Variants in MAGEC3 observed in about 807,000 individuals in gnomAD.
The protein encoded by MAGEC3 is melanoma-associated antigen C3.
Under a neutral mutation model 35.3 loss-of-function variants are expected in MAGEC3, and 34 were observed. The observed-to-expected ratio is 0.96, with a 90% CI of 0.73 to 1.28. The LOEUF is 1.28. MAGEC3 is among the 50% of genes most tolerant of loss of function. MAGEC3 has a pLI of 0.00. For synonymous variants in MAGEC3, 202 were observed against 185.6 expected, an observed-to-expected ratio of 1.09 and a Z score of -0.72; for missense variants, 561 against 483.6, an observed-to-expected ratio of 1.16 and a Z score of -1.50.
At chrX:141,884,024 A>G (rs1380877490) in intron 4 of MAGEC3, among the ~76,000 whole-genome samples, 1 of 113,239 alleles carries the variant, frequency 8.8e-6, no homozygotes, top group African/African-American at 3.2e-5. Context: ...ATGGTAGGAT[A>G]TTTACCGTAT....
At chrX:141,849,537 A>G (rs757807784) in intron 1 of MAGEC3, among the ~76,000 whole-genome samples, 7 of 111,296 alleles carry the variant, frequency 6.3e-5, no homozygotes, top group African/African-American at 2.3e-4. Context: ...AGAATCTATA[A>G]GGAACTTAAT....
intron 1 of MAGEC3, among the ~76,000 whole-genome samples, chrX:141,850,108 G>A (rs2017741587): frequency 9.0e-6 from 1 of 111,205 alleles, no homozygotes; most frequent in Non-Finnish European, 1.9e-5. Context: ...TATGCTAAGC[G>A]AGTTAATGTA....
intron 2 of MAGEC3, among the ~76,000 whole-genome samples, chrX:141,868,072 G>A (rs1266965955): frequency 1.8e-5 from 2 of 110,448 alleles, no homozygotes; most frequent in Admixed American, 1.9e-4. Context: ...GCAGTGAGCC[G>A]AGATGGCGCC....
intron 1 of MAGEC3, among the ~76,000 whole-genome samples, chrX:141,851,424 T>C (rs1276987770): frequency 9.0e-6 from 1 of 110,694 alleles, no homozygotes; most frequent in African/African-American, 3.3e-5. Context: ...AATGCCAAGA[T>C]TGAAATACAA....
intron 1 of MAGEC3, among the ~76,000 whole-genome samples, chrX:141,864,412 AG>A (rs1282657459): frequency 1.6e-5 from 1 of 62,451 alleles, no homozygotes; most frequent in African/African-American, 4.7e-5. Context: ...TATTTCACAC[AG>A]TAATGGTATT....
At chrX:141,856,713 A>G (rs1389712588) in intron 1 of MAGEC3, among the ~76,000 whole-genome samples, 2 of 111,998 alleles carry the variant, frequency 1.8e-5, no homozygotes, top group East Asian at 5.7e-4. Context: ...ATAATGTTAT[A>G]CTATTCAGCC....
intron 3 of MAGEC3, among the ~76,000 whole-genome samples, 164 bp downstream of exon 3, chrX:141,879,595 G>T (rs779739820): frequency 9.1e-6 from 1 of 110,293 alleles, no homozygotes; most frequent in South Asian, 4.1e-4. Context: ...CCGGGAGGTG[G>T]TCAGGAAAGT....
chrX:141,876,280 G>C (rs756720440), intron 2 of MAGEC3, among the ~76,000 whole-genome samples: 41 of 111,364 alleles, frequency 3.7e-4, no homozygotes, highest in African/African-American at 1.3e-3. Flanking sequence ...TATATTTCTT[G>C]GACCCCCAGA....
chrX:141,872,691 G>T (rs774380008), intron 2 of MAGEC3, among the ~76,000 whole-genome samples: 1 of 111,388 alleles, frequency 9.0e-6, no homozygotes, highest in African/African-American at 3.3e-5. Context: ...GAGAGAGAGA[G>T]AGAGAAAGAC....
intron 2 of MAGEC3, among the ~76,000 whole-genome samples, chrX:141,878,863 C>T (rs1461776103): frequency 9.0e-6 from 1 of 111,579 alleles, no homozygotes; most frequent in Non-Finnish European, 1.9e-5. Flanking sequence ...GGGAAGGGCT[C>T]CCAGGCCATG....
At chrX:141,839,232 A>C in intron 1 of MAGEC3, 1 of 198,145 alleles carries the variant, frequency 5.0e-6, no homozygotes, top group Non-Finnish European at 7.6e-6. Context: ...TCACTTTTCT[A>C]ATGGATTCCA....
chrX:141,893,027 A>G (rs1001326721), intron 4 of MAGEC3, among the ~76,000 whole-genome samples: 3 of 112,296 alleles, frequency 2.7e-5, no homozygotes, highest in Non-Finnish European at 3.8e-5. Context: ...TTTAAAGTGG[A>G]CAAAAACTAT....
At chrX:141,843,650 C>T (rs2017699244) in intron 1 of MAGEC3, among the ~76,000 whole-genome samples, 1 of 110,761 alleles carries the variant, frequency 9.0e-6, no homozygotes, top group Non-Finnish European at 1.9e-5. Flanking sequence ...TTGAATGACT[C>T]AAGAGCAAAA....
intron 1 of MAGEC3, chrX:141,839,462 C>G (rs891999324): frequency 2.7e-6 from 2 of 751,323 alleles, no homozygotes; most frequent in Non-Finnish European, 3.1e-6. Context: ...TTCATTCACT[C>G]TGCTGTCATA....
chrX:141,879,342 C>A lies in MAGEC3; in HGVS notation c.426C>A (p.Asp142Glu), dbSNP rs139128769. 8.3e-7 allele frequency: 1 copy of A among 1,201,788 alleles called. No homozygotes were observed. The highest frequency in any genetic ancestry group is 2.3e-4 in the Middle Eastern group (1 of 4,337). ...AGAGAACTCTGTGGAAGGACAGTGA[C>A]CTTCCAACATGGAGGAGAGGCACAG... is the stretch of plus-strand genomic sequence containing the variant. ...NEKRTLWKDSDLPTWRRGTGY... is the reference protein window; with the variant it reads ...NEKRTLWKDSELPTWRRGTGY... Residue 142 changes from aspartate (D) to glutamate (E), a missense_variant, in exon 3 of 8, where the codon GAC (aspartate) becomes GAA (glutamate). Physicochemically the swap from Asp to Glu is conservative, Grantham distance 45. Transcript: ENST00000298296.
chrX:141,859,510 T>G (rs768635388), intron 1 of MAGEC3, among the ~76,000 whole-genome samples: 1 of 111,733 alleles, frequency 8.9e-6, no homozygotes, highest in Non-Finnish European at 1.9e-5. Flanking sequence ...TTACAGATAT[T>G]AATCTTTTGT....
intron 4 of MAGEC3, chrX:141,894,857 A>G: frequency 1.1e-6 from 1 of 909,862 alleles, no homozygotes; most frequent in Non-Finnish European, 1.4e-6. Flanking sequence ...AGTGGACAGG[A>G]ACAGGTGGGA....
At position 141,839,701 on chromosome X, in the gene MAGEC3, C is replaced by A. The variant is rs746908596; in HGVS notation, c.123+1263C>A. The A allele has an allele frequency of 1.4e-4, 103 of 740,188 alleles. No homozygotes were observed. The African/African-American group carries it at 2.3e-3, about 17-fold the overall frequency. The allele number at this position is 740,188 out of a possible 1,213,427, so 61.0% of individuals were successfully genotyped here. On this transcript the variant is annotated intron_variant, in intron 1 of 7. Transcript: ENST00000298296. ...TCTAATATGTCAAATGCTTTACTAGCTTTTTAATATCTTTATATCCATTTT... is the reference window on the plus strand; with the variant it reads ...TCTAATATGTCAAATGCTTTACTAGATTTTTAATATCTTTATATCCATTTT...
chrX:141,880,692 A>G, intron 3 of MAGEC3: 1 of 478,360 alleles, frequency 2.1e-6, no homozygotes, highest in Non-Finnish European at 3.6e-6. Context: ...ACCTACTGCC[A>G]TTCCTGGTGC....
Sources: gnomAD v4.1 joint callset for allele counts (sites outside exome capture counted in the v4.1 genomes callset) on GRCh38, gnomAD v4.1.1 for gene constraint, MANE v1.5 for transcripts, NCBI Gene and HGNC (gene_info 2026-07-23, HGNC 2026-07-21) for gene names.